Variants in EBPL observed in about 807,000 individuals in gnomAD.
EBPL encodes EBP like.
In EBPL, 20 loss-of-function variants were observed where a neutral mutation model predicts 19.0. The observed-to-expected ratio is 1.05, with a 90% CI of 0.74 to 1.53. The LOEUF (loss-of-function observed/expected upper bound fraction) is 1.53, where lower values mean the gene tolerates loss of function less well. Ranked by LOEUF, EBPL falls within the 40% of genes most tolerant of loss-of-function variation. EBPL has a pLI of 0.00. For missense variants in EBPL, 219 were observed against 261.1 expected, an observed-to-expected ratio of 0.84 and a Z score of 1.11; for synonymous variants, 107 against 117.0, an observed-to-expected ratio of 0.91 and a Z score of 0.55.
intron 1 of EBPL, among the ~76,000 whole-genome samples, chr13:49,683,479 C>G (rs977574837): frequency 1.3e-5 from 2 of 151,818 alleles, no homozygotes; most frequent in African/African-American, 4.8e-5. Flanking sequence ...TGCAGTGAGC[C>G]GATCGCACCA....
chr13:49,669,909 G>T, intron 1 of EBPL, 63 bp from the exon 2 acceptor site: 1 of 1,281,124 alleles, frequency 7.8e-7, no homozygotes, highest in Non-Finnish European at 1.1e-6. Context: ...TGGCACTGTA[G>T]ACACATGGCA....
intron 1 of EBPL, among the ~76,000 whole-genome samples, chr13:49,690,171 G>GACAAAAAAAAAAAAAAAAAAAA (rs1954045618): frequency 4.7e-5 from 2 of 42,334 alleles, no homozygotes; most frequent in African/African-American, 7.9e-5. Context: ...CAAAAAAAAA[G>GACAAAAAAAAAAAAAAAAAAAA]ACAAAAAAAA....
intron 1 of EBPL, among the ~76,000 whole-genome samples, chr13:49,680,363 T>C (rs572283599): frequency 6.6e-6 from 1 of 152,184 alleles, no homozygotes; most frequent in Non-Finnish European, 1.5e-5. Flanking sequence ...TCCAGATCAC[T>C]TTCCAGTACT....
intron 1 of EBPL, among the ~76,000 whole-genome samples, chr13:49,671,682 G>A (rs1594408636): frequency 2.0e-5 from 3 of 152,320 alleles, no homozygotes; most frequent in Admixed American, 2.0e-4. Context: ...GACTGGATTT[G>A]ACCCTCTCTA....
chr13:49,663,902 G>A (rs1339405096), intron 2 of EBPL, among the ~76,000 whole-genome samples: 5 of 149,034 alleles, frequency 3.4e-5, no homozygotes, highest in African/African-American at 1.2e-4. Flanking sequence ...TCCAGCCTGG[G>A]TGACAGAGCG....
At chr13:49,661,697 C>T in intron 3 of EBPL, 1 of 952,768 alleles carries the variant, frequency 1.0e-6, no homozygotes, top group Non-Finnish European at 1.2e-6. Context: ...CACATGGGCA[C>T]ACGTAGTAAG....
chr13:49,688,718 CAAAAA>C (rs56059575), intron 1 of EBPL, among the ~76,000 whole-genome samples: 3 of 95,428 alleles, frequency 3.1e-5, no homozygotes, highest in Non-Finnish European at 2.1e-5. Flanking sequence ...GACTCCGTCT[CAAAAA>C]AAAAAAAAAA....
At chr13:49,679,938 G>A (rs1182368506) in intron 1 of EBPL, among the ~76,000 whole-genome samples, 1 of 152,158 alleles carries the variant, frequency 6.6e-6, no homozygotes, top group Non-Finnish European at 1.5e-5. Context: ...AATAAGGAGA[G>A]GCAGGCTGGA....
chr13:49,661,369 A>G (rs536322531), intron 3 of EBPL, among the ~76,000 whole-genome samples, 161 bp from the exon 4 acceptor site: 1 of 152,308 alleles, frequency 6.6e-6, no homozygotes, highest in East Asian at 1.9e-4. Flanking sequence ...GATGGGGGCA[A>G]GTCAATCTAA....
chr13:49,676,137 G>A (rs1953873481), intron 1 of EBPL, among the ~76,000 whole-genome samples: 1 of 152,212 alleles, frequency 6.6e-6, no homozygotes, highest in South Asian at 2.1e-4. Flanking sequence ...CCATGGGCAA[G>A]ATGAACCAAT....
chr13:49,669,700 T>C, intron 2 of EBPL, 77 bp downstream of exon 2: 4 of 1,253,310 alleles, frequency 3.2e-6, no homozygotes, highest in East Asian at 2.3e-5. Flanking sequence ...ATACAGTATA[T>C]AATAGAGGCG....
chr13:49,686,390 C>T (rs1283577979), intron 1 of EBPL: 2 of 1,208,182 alleles, frequency 1.7e-6, no homozygotes, highest in Non-Finnish European at 1.0e-6. Context: ...TCTCCTCTAC[C>T]TGGCCTATAA....
chr13:49,661,175 C>A lies in EBPL; in HGVS notation c.414G>T (p.Glu138Asp). Reference protein sequence around the residue: ...HFLQITLCVCELYGCWMTFLP... With the variant: ...HFLQITLCVCDLYGCWMTFLP... ...GGAAGGTCATCCAGCAGCCATACAG[C>A]TCGCACACGCACAGGGTGATCTGCA... The change falls in exon 4 of 4, where the codon GAG (glutamate) becomes GAT (aspartate). Residue 138 changes from glutamate (E) to aspartate (D), a missense_variant. Physicochemically the swap from Glu to Asp is conservative, Grantham distance 45. Transcript: ENST00000242827. The A allele has an allele frequency of 6.2e-7, 1 of 1,614,182 alleles. No homozygotes were observed. Among genetic ancestry groups the A allele is most frequent in the Non-Finnish European group, 8.5e-7 (1 of 1,180,030 alleles).
At chr13:49,671,507 T>A (rs945058071) in intron 1 of EBPL, among the ~76,000 whole-genome samples, 2 of 152,208 alleles carry the variant, frequency 1.3e-5, no homozygotes, top group Non-Finnish European at 2.9e-5. Context: ...TTTTAACAAA[T>A]AAGTACTCCC....
At chr13:49,673,483 G>A (rs1169774265) in intron 1 of EBPL, among the ~76,000 whole-genome samples, 1 of 152,142 alleles carries the variant, frequency 6.6e-6, no homozygotes, top group African/African-American at 2.4e-5. Context: ...TGTTGCCCAG[G>A]CAGGAGTGCA....
chr13:49,691,253 C>A lies in EBPL; in HGVS notation c.171+1G>T, dbSNP rs1450453783. ...TGCAGGGTCTAGGCGATGGCACTTA[C>A]CAGCGCGAAGTGCACCAGCGCGTCG... On this transcript the variant is annotated splice_donor_variant, in intron 1 of 3. Transcript: ENST00000242827. LOFTEE classifies it high-confidence loss of function. The A allele has an allele frequency of 1.4e-6, 2 of 1,386,184 alleles. No homozygotes were observed. The highest frequency in any genetic ancestry group is 1.9e-6 in the Non-Finnish European group (2 of 1,068,174). The allele number at this position is 1,386,184 out of a possible 1,614,324, so 85.9% of individuals were successfully genotyped here. A position where few individuals can be genotyped will look rare whatever the true frequency, so the allele number is the denominator to read the frequency against.
intron 1 of EBPL, among the ~76,000 whole-genome samples, chr13:49,670,202 C>T (rs534489448): frequency 5.9e-5 from 9 of 152,152 alleles, no homozygotes; most frequent in Admixed American, 2.6e-4. Context: ...TAAGTCTTTG[C>T]GGAGAACCCC....
At position 49,661,980 on chromosome 13, in the gene EBPL, T is replaced by C. The variant is rs923968798; in HGVS notation, c.381-772A>G. ...GAGAGTTTATAGTCTCTGAGTCTGA[T>C]AGGATGGATAATTTTTTCATCCTTT... On this transcript the variant is annotated intron_variant, in intron 3 of 3. Coordinates refer to ENST00000242827, the MANE Select transcript of EBPL (RefSeq NM_032565.5). 8 of 1,445,146 alleles carry C rather than the reference T, an allele frequency of 5.5e-6. No homozygotes were observed. In the African/African-American group the frequency reaches 7.1e-5, roughly 13 times the overall value. The allele number at this position is 1,445,146 out of a possible 1,614,324, so 89.5% of individuals were successfully genotyped here.
chr13:49,679,443 A>G (rs1953918426), intron 1 of EBPL, among the ~76,000 whole-genome samples: 1 of 152,208 alleles, frequency 6.6e-6, no homozygotes, highest in South Asian at 2.1e-4. Context: ...GTAATTGGGA[A>G]GGCAGGGCTC....
Sources: allele counts gnomAD v4.1 joint callset (sites outside exome capture counted in the v4.1 genomes callset), GRCh38; gene constraint gnomAD v4.1.1; transcripts MANE v1.5; gene names NCBI Gene and HGNC (gene_info 2026-07-23, HGNC 2026-07-21).